Variants in CD3E observed in about 807,000 individuals in gnomAD.
CD3E encodes the protein CD3 epsilon subunit of T-cell receptor complex.
A neutral mutation model predicts 34.7 loss-of-function variants in CD3E; 16 were observed. The observed-to-expected ratio is 0.46, with a 90% CI of 0.31 to 0.70. The LOEUF is 0.70. CD3E is among the 30% of genes least tolerant of loss of function. CD3E has a pLI of 0.05. For missense variants in CD3E, 223 were observed against 253.9 expected (o/e 0.88, Z 0.83); for synonymous variants, 70 against 90.8 (o/e 0.77, Z 1.30).
chr11:118,308,522 C>T, intron 4 of CD3E, 81 bp downstream of exon 4: 4 of 893,728 alleles, frequency 4.5e-6, no homozygotes, highest in Non-Finnish European at 5.6e-6. Flanking sequence ...CAGTAACAAA[C>T]CCTGAGAACT....
At chr11:118,314,749 T>A (rs1348404151) in intron 8 of CD3E, among the ~76,000 whole-genome samples, 3 of 152,142 alleles carry the variant, frequency 2.0e-5, no homozygotes, top group Non-Finnish European at 2.9e-5. Context: ...GGCTTATTCA[T>A]TGACTGGGAT....
chr11:118,304,825 A>G lies in CD3E; in HGVS notation c.-60+49A>G, dbSNP rs2231441. 0.3 allele frequency: 249,805 copies of G among 819,292 alleles called. 41,265 individuals carry two copies. The highest frequency in any genetic ancestry group is 0.48 in the Admixed American group (27,974 of 58,760). 50.8% of individuals were successfully genotyped at this position (819,292 alleles called of 1,614,324 possible). A position where few individuals can be genotyped will look rare whatever the true frequency, so the allele number is the denominator to read the frequency against. ...CTCCTTTTTCATCCTAGCATTGGGA[A>G]CAATGGCCCCAGGGTCCTTATCTCT... is the stretch of plus-strand genomic sequence containing the variant. On this transcript the variant is annotated intron_variant, in intron 1 of 8. Transcript: ENST00000361763.
intron 4 of CD3E, 92 bp downstream of exon 4, chr11:118,308,533 A>G (rs1276090750): frequency 1.2e-6 from 1 of 833,786 alleles, no homozygotes; most frequent in East Asian, 2.6e-5. Flanking sequence ...CCTGAGAACT[A>G]AAACTATTAA....
intron 6 of CD3E, chr11:118,313,466 C>G: frequency 1.8e-6 from 1 of 545,198 alleles, no homozygotes; most frequent in Non-Finnish European, 3.3e-6. Context: ...ACGCTTCTCA[C>G]AGCTAGTGAG....
intron 1 of CD3E, 34 bp from the exon 2 acceptor site, chr11:118,304,858 GTT>G: frequency 1.9e-6 from 2 of 1,059,258 alleles, no homozygotes. Context: ...TCTAGCAGAT[GTT>G]TTGAAAAAGT....
intron 8 of CD3E, among the ~76,000 whole-genome samples, chr11:118,315,238 T>G (rs1466951860): frequency 6.6e-6 from 1 of 152,152 alleles, no homozygotes; most frequent in Non-Finnish European, 1.5e-5. Context: ...AGCGAATTAT[T>G]TAGCCCTGAC....
Position 118,304,936 on chromosome 11 carries a change from A to G in CD3E, c.-17A>G. On this transcript the variant is annotated 5_prime_UTR_variant, in exon 2 of 9. Transcript: ENST00000361763. ...GCCTCCGCCATCTTAGTAAAGTAAC[A>G]GTCCCATGAAACAAAGATGCAGTCG... 6.2e-7 allele frequency: 1 copy of G among 1,613,374 alleles called. No homozygotes were observed. Among genetic ancestry groups the G allele is most frequent in the Non-Finnish European group, 8.5e-7 (1 of 1,179,290 alleles).
chr11:118,310,611 A>T (rs1948130595), intron 4 of CD3E, among the ~76,000 whole-genome samples: 1 of 152,224 alleles, frequency 6.6e-6, no homozygotes. Context: ...GTCTAAGCAC[A>T]GACATCTAGA....
intron 8 of CD3E, among the ~76,000 whole-genome samples, chr11:118,315,020 C>T (rs1218884187): frequency 6.6e-6 from 1 of 151,092 alleles, no homozygotes. Flanking sequence ...CATCCCAGTC[C>T]CTCCCCTACC....
At chr11:118,307,948 C>T (rs1175492583) in intron 3 of CD3E, among the ~76,000 whole-genome samples, 1 of 152,186 alleles carries the variant, frequency 6.6e-6, no homozygotes, top group Non-Finnish European at 1.5e-5. Flanking sequence ...GTGGGCAGAT[C>T]ACTTGAGGCC....
Position 118,312,641 on chromosome 11 carries a change from A to T in CD3E, c.127A>T (p.Thr43Ser). ...AGCATATAAAGTCTCCATCTCTGGA[A>T]CCACAGTAATATTGACATGCCCTCA... ...QTPYKVSISG[T>S]TVILTCPQYP... is the part of the protein sequence containing the mutation. The change falls in exon 6 of 9, where the codon ACC (threonine) becomes TCC (serine). Residue 43 changes from threonine (T) to serine (S), a missense_variant. Coordinates refer to ENST00000361763, the MANE Select transcript of CD3E (RefSeq NM_000733.4). 1 of 1,614,194 alleles carries T rather than the reference A, an allele frequency of 6.2e-7. No individual in the cohort carries two copies. Among genetic ancestry groups the T allele is most frequent in the East Asian group, 2.2e-5 (1 of 44,886 alleles).
chr11:118,308,482 A>G lies in CD3E; in HGVS notation c.85+41A>G, dbSNP rs1599810. Reference sequence around the variant, plus strand: ...CTCTATCTAGCAAAAGTTTTCAAATATGGAATGAAATGCTCATAGAGTACA... The same window carrying G: ...CTCTATCTAGCAAAAGTTTTCAAATGTGGAATGAAATGCTCATAGAGTACA... On this transcript the variant is annotated intron_variant, in intron 4 of 8. Transcript: ENST00000361763. 0.65 allele frequency: 878,141 copies of G among 1,350,194 alleles called. 287,550 individuals carry two copies. Among genetic ancestry groups the G allele is most frequent in the South Asian group, 0.74 (62,381 of 83,960 alleles). The allele number at this position is 1,350,194 out of a possible 1,614,324, so 83.6% of individuals were successfully genotyped here. A position where few individuals can be genotyped will look rare whatever the true frequency, so the allele number is the denominator to read the frequency against.
intron 8 of CD3E, among the ~76,000 whole-genome samples, chr11:118,315,077 G>T (rs1948158901): frequency 6.6e-6 from 1 of 151,902 alleles, no homozygotes; most frequent in Admixed American, 6.6e-5. Flanking sequence ...GCCTGGCATG[G>T]CAGAGGATCA....
At chr11:118,313,426 C>T (rs1948147152) in intron 6 of CD3E, 1 of 474,660 alleles carries the variant, frequency 2.1e-6, no homozygotes, top group African/African-American at 2.0e-5. Flanking sequence ...GATGAGGAAA[C>T]AGAGGGTTTG....
chr11:118,311,148 A>G (rs887980855), intron 4 of CD3E, among the ~76,000 whole-genome samples: 3 of 152,258 alleles, frequency 2.0e-5, no homozygotes, highest in Non-Finnish European at 4.4e-5. Flanking sequence ...ACTTGCCCTC[A>G]GTCACACAGA....
At position 118,314,158 on chromosome 11, in the gene CD3E, AAG is replaced by A. The variant is rs750851742; in HGVS notation, c.521-284_521-283del. On this transcript the variant is annotated intron_variant, in intron 7 of 8. Transcript: ENST00000361763. ...TCCGATTCCGCCCCTAAGCTGTGGG[AAG>A]AGAGACTTTGATATATTAGCTCCTG... 3.9e-5 allele frequency among the ~76,000 whole-genome samples: 6 copies of A among 152,202 alleles called. No homozygotes were observed. The South Asian group carries it at 6.2e-4, about 16-fold the overall frequency.
At chr11:118,312,466 C>A in intron 5 of CD3E, 152 bp from the exon 6 acceptor site, 2 of 893,508 alleles carry the variant, frequency 2.2e-6, no homozygotes, top group Non-Finnish European at 3.6e-6. Flanking sequence ...TCCTCTTCCA[C>A]ACCCTCTAGC....
rs1948143878 is a variant in CD3E, at chr11:118,312,886, C to G, written c.352+20C>G. 1.2e-6 allele frequency: 2 copies of G among 1,614,020 alleles called. No individual in the cohort carries two copies. Among genetic ancestry groups the G allele is most frequent in the South Asian group, 1.1e-5 (1 of 91,050 alleles). ...CAAGAGGTAATCCAGGTCTCCAGAA[C>G]AGGTACCACCGGCTCTTTAGGGAGG... On this transcript the variant is annotated intron_variant, in intron 6 of 8. Transcript: ENST00000361763.
At chr11:118,312,015 A>C in intron 4 of CD3E, 138 bp from the exon 5 acceptor site, 1 of 763,730 alleles carries the variant, frequency 1.3e-6, no homozygotes, top group Admixed American at 1.8e-5. Flanking sequence ...CACCTCCAAG[A>C]CTCGGGGTTC....
Sources: allele counts gnomAD v4.1 joint callset (sites outside exome capture counted in the v4.1 genomes callset), GRCh38; gene constraint gnomAD v4.1.1; transcripts MANE v1.5; gene names NCBI Gene and HGNC (gene_info 2026-07-23, HGNC 2026-07-21).